The following PGCKA1 variants were observed in gnomAD, a reference collection of about 807,000 sequenced individuals.
The protein encoded by PGCKA1 is PDCD10 and GCKIII kinases associated 1, also known as PDCD10 and GCKIII kinases-associated protein 1.
the PGCKA1 span, among the ~76,000 whole-genome samples, chr4:37,520,303 T>A: frequency 6.6e-6 from 1 of 152,210 alleles, no homozygotes; most frequent in Non-Finnish European, 1.5e-5. Context: ...CCCTTCTGTA[T>A]TTTTTGGAAT....
At chr4:37,481,715 C>T in the PGCKA1 span, among the ~76,000 whole-genome samples, 1 of 152,124 alleles carries the variant, frequency 6.6e-6, no homozygotes, top group African/African-American at 2.4e-5. Flanking sequence ...TTTGAAGGCT[C>T]TATCCTCAAA....
the PGCKA1 span, among the ~76,000 whole-genome samples, chr4:37,578,414 T>G: frequency 2.6e-5 from 4 of 152,196 alleles, no homozygotes; most frequent in African/African-American, 9.6e-5. Context: ...TTTTTCTATG[T>G]CTTTATTTTC....
chr4:37,553,414 G>A, the PGCKA1 span, among the ~76,000 whole-genome samples: 1 of 137,172 alleles, frequency 7.3e-6, no homozygotes, highest in Non-Finnish European at 1.6e-5. Flanking sequence ...CATCTTAGAA[G>A]GACTTCTTTG....
At chr4:37,550,364 T>TA in the PGCKA1 span, among the ~76,000 whole-genome samples, 28,013 of 148,520 alleles carry the variant, frequency 0.19, 2,897 homozygotes, top group East Asian at 0.44. Context: ...AGTTACACAG[T>TA]AAAAAAAAAA....
chr4:37,572,040 C>T, the PGCKA1 span, among the ~76,000 whole-genome samples: 1 of 144,320 alleles, frequency 6.9e-6, no homozygotes, highest in African/African-American at 2.5e-5. Flanking sequence ...TTGTTTTTAA[C>T]TTCACACCTT....
chr4:37,586,497 G>T, the PGCKA1 span, among the ~76,000 whole-genome samples: 4 of 152,172 alleles, frequency 2.6e-5, no homozygotes, highest in Non-Finnish European at 5.9e-5. Flanking sequence ...TACATTCCAT[G>T]AGTCCTCCCA....
chr4:37,526,282 C>T, the PGCKA1 span, among the ~76,000 whole-genome samples: 2 of 152,174 alleles, frequency 1.3e-5, no homozygotes, highest in African/African-American at 2.4e-5. Flanking sequence ...TCTACAATAG[C>T]TAGCACAGTG....
At chr4:37,459,206 C>T in the PGCKA1 span, among the ~76,000 whole-genome samples, 1 of 152,056 alleles carries the variant, frequency 6.6e-6, no homozygotes, top group Non-Finnish European at 1.5e-5. Flanking sequence ...AAATATCAAA[C>T]ATGATTATGC....
the PGCKA1 span, among the ~76,000 whole-genome samples, chr4:37,475,222 T>C: frequency 2.0e-5 from 3 of 152,292 alleles, no homozygotes; most frequent in Non-Finnish European, 4.4e-5. Flanking sequence ...AGAAATAAAA[T>C]TGAGAAATCA....
At chr4:37,453,888 G>A in the PGCKA1 span, 1 of 152,352 alleles carries the variant, frequency 6.6e-6, no homozygotes, top group African/African-American at 2.4e-5. Context: ...GTGACGCGCG[G>A]GCCCAATGAC....
chr4:37,552,415 C>T, the PGCKA1 span, among the ~76,000 whole-genome samples: 1 of 152,214 alleles, frequency 6.6e-6, no homozygotes, highest in African/African-American at 2.4e-5. Flanking sequence ...TAAAACCCTT[C>T]CTTCTACAAC....
At chr4:37,574,102 C>T in the PGCKA1 span, among the ~76,000 whole-genome samples, 22 of 151,850 alleles carry the variant, frequency 1.4e-4, no homozygotes, top group African/African-American at 4.4e-4. Context: ...ACAGGAGAAT[C>T]GCTTGAACCT....
At chr4:37,520,453 A>C in the PGCKA1 span, among the ~76,000 whole-genome samples, 6 of 152,060 alleles carry the variant, frequency 3.9e-5, no homozygotes, top group African/African-American at 1.4e-4. Flanking sequence ...TGTTCTGTTC[A>C]GGTTTTGGAT....
chr4:37,463,958 C>A, the PGCKA1 span, among the ~76,000 whole-genome samples: 1 of 152,130 alleles, frequency 6.6e-6, no homozygotes, highest in Admixed American at 6.5e-5. Context: ...TGGAGCACAT[C>A]GCAGGTCCCC....
chr4:37,579,206 T>G, the PGCKA1 span, among the ~76,000 whole-genome samples: 1 of 152,360 alleles, frequency 6.6e-6, no homozygotes, highest in Non-Finnish European at 1.5e-5. Flanking sequence ...GTTGTATCTA[T>G]TTACATATTA....
the PGCKA1 span, among the ~76,000 whole-genome samples, chr4:37,523,785 TC>T: frequency 6.6e-6 from 1 of 152,174 alleles, no homozygotes; most frequent in African/African-American, 2.4e-5. Flanking sequence ...GAGGCTGAAA[TC>T]CAAGATCAGG....
the PGCKA1 span, among the ~76,000 whole-genome samples, chr4:37,527,505 CTATT>C: frequency 6.6e-6 from 1 of 152,042 alleles, no homozygotes; most frequent in Non-Finnish European, 1.5e-5. Flanking sequence ...TACCTTTTCT[CTATT>C]TATGTTTAGA....
the PGCKA1 span, among the ~76,000 whole-genome samples, chr4:37,539,619 A>G: frequency 2.6e-5 from 4 of 152,266 alleles, no homozygotes; most frequent in Admixed American, 1.3e-4. Context: ...ATGCCACTGC[A>G]CTCCAGCCTG....
the PGCKA1 span, among the ~76,000 whole-genome samples, chr4:37,467,878 G>A: frequency 6.6e-6 from 1 of 152,180 alleles, no homozygotes; most frequent in South Asian, 2.1e-4. Context: ...TTAGATTTCA[G>A]ATCTGAGGCA....
Sources: gnomAD v4.1 joint callset for allele counts (sites outside exome capture counted in the v4.1 genomes callset) on GRCh38, gnomAD v4.1.1 for gene constraint, MANE v1.5 for transcripts, NCBI Gene and HGNC (gene_info 2026-07-23, HGNC 2026-07-21) for gene names.